Variants in AQP1 observed in about 807,000 individuals in gnomAD.
AQP1 encodes aquaporin-1.
A neutral mutation model predicts 19.7 loss-of-function variants in AQP1; 11 were observed. That is an observed-to-expected ratio of 0.56 (90% CI 0.35 to 0.92). The LOEUF (loss-of-function observed/expected upper bound fraction) is 0.92. AQP1 is among the 40% of genes least tolerant of loss of function. The pLI is 0.01. For synonymous variants in AQP1, 159 were observed against 166.7 expected (o/e 0.95, Z 0.36); for missense variants, 320 against 369.7 (o/e 0.87, Z 1.10).
At chr7:30,922,501 C>G in intron 2 of AQP1, 63 bp from the exon 3 acceptor site, 1 of 1,503,096 alleles carries the variant, frequency 6.7e-7, no homozygotes, top group Non-Finnish European at 9.3e-7. Flanking sequence ...TCTCCCTCCT[C>G]TCACTCTCTC....
chr7:30,923,542 C>T lies in AQP1; in HGVS notation c.723C>T (p.Arg241=), dbSNP rs1049739937. The T allele has an allele frequency of 6.2e-6, 10 of 1,614,110 alleles. No homozygotes were observed. The highest frequency in any genetic ancestry group is 4.4e-5 in the South Asian group (4 of 91,080). ...LAPRSSDLTD[R]VKVWTSGQVE... ...CACGCAGCAGTGACCTCACAGACCG[C>T]GTGAAGGTGTGGACCAGCGGCCAGG... Residue 241 remains arginine (R), a synonymous_variant, in exon 4 of 4, where the codon CGC becomes CGT. Transcript: ENST00000311813. The surrounding 1 kb of genome is among the most constrained non-coding windows in gnomAD (Gnocchi z 4.8).
intron 1 of AQP1, among the ~76,000 whole-genome samples, chr7:30,915,493 G>A (rs1791319157): frequency 6.6e-6 from 1 of 152,172 alleles, no homozygotes. Context: ...CACAGGCTAG[G>A]AGGAGGTGAG....
At chr7:30,921,700 C>G in intron 1 of AQP1, 1 of 1,551,126 alleles carries the variant, frequency 6.4e-7, no homozygotes, top group South Asian at 1.2e-5. Flanking sequence ...TGACCATCAC[C>G]TTCATGCCTG....
In AQP1 at chr7:30,922,140, G is replaced by C. The variant is rs1423546895; in HGVS notation, c.459G>C (p.Val153=). ...IIGTLQLVLC[V]LATTDRRRRD... ...GGACCCTCCAGCTGGTGCTATGCGT[G>C]CTGGCTACTACCGACCGGAGGCGCC... Residue 153 remains valine (V), a synonymous_variant, in exon 2 of 4, where the codon GTG becomes GTC. Coordinates refer to ENST00000311813, the MANE Select transcript of AQP1 (RefSeq NM_198098.4). 6.2e-7 allele frequency: 1 copy of C among 1,613,976 alleles called. No homozygotes were observed. The highest frequency in any genetic ancestry group is 1.1e-5 in the South Asian group (1 of 91,086).
intron 1 of AQP1, among the ~76,000 whole-genome samples, chr7:30,921,023 G>A (rs1198966242): frequency 1.3e-5 from 2 of 152,212 alleles, no homozygotes; most frequent in African/African-American, 4.8e-5. Context: ...TGGGAGCTGG[G>A]TAGTTTGTCT....
rs2267720 is a variant in AQP1, at chr7:30,921,380, G to A, written c.385-686G>A. On this transcript the variant is annotated intron_variant, in intron 1 of 3. Transcript: ENST00000311813. ...CCAGGCAGAGGGAGGGTGAGGCTGA[G>A]GCCAGCAGTGGGGAGGAAGAAGAGA... is the stretch of plus-strand genomic sequence containing the variant. 0.058 allele frequency: 80,999 copies of A among 1,405,316 alleles called. 3,748 individuals are homozygous for A. Among genetic ancestry groups the A allele is most frequent in the East Asian group, 0.22 (8,782 of 39,226 alleles). 87.1% of individuals were successfully genotyped at this position (1,405,316 alleles called of 1,614,324 possible).
intron 3 of AQP1, among the ~76,000 whole-genome samples, chr7:30,922,967 C>T (rs1791566420): frequency 6.6e-6 from 1 of 152,230 alleles, no homozygotes; most frequent in African/African-American, 2.4e-5. Context: ...TGTGCTTGAG[C>T]TTTGGTTTCC....
Position 30,923,678 on chromosome 7 carries a change from C to A in AQP1, c.*49C>A. 2 of 590,552 alleles carry A rather than the reference C, an allele frequency of 3.4e-6. No homozygotes were observed. Among genetic ancestry groups the A allele is most frequent in the Non-Finnish European group, 2.5e-6 (1 of 407,870 alleles). The allele number at this position is 590,552 out of a possible 1,614,324, so 36.6% of individuals were successfully genotyped here. On this transcript the variant is annotated 3_prime_UTR_variant, in exon 4 of 4. Transcript: ENST00000311813. The surrounding 1 kb of genome is among the most constrained non-coding windows in gnomAD (Gnocchi z 4.8). ...CGTAGGGGGCAGGGGCAGGGGCGGG[C>A]GGAGGGAGGGGAGGGGTGAAATCCA...
In AQP1 at chr7:30,922,336, T is replaced by C. The variant is rs1036909627; in HGVS notation, c.549+106T>C. 4.1e-6 allele frequency: 6 copies of C among 1,475,190 alleles called. No homozygotes were observed. The African/African-American group carries it at 8.4e-5, about 21-fold the overall frequency. 91.4% of individuals were successfully genotyped at this position (1,475,190 alleles called of 1,614,324 possible). A position where few individuals can be genotyped will look rare whatever the true frequency, so the allele number is the denominator to read the frequency against. On this transcript the variant is annotated intron_variant, in intron 2 of 3. Coordinates refer to ENST00000311813, the MANE Select transcript of AQP1 (RefSeq NM_198098.4). The stretch of plus-strand genomic sequence containing the variant: ...GGGACTCCCGACAGGGCTCTTGCCA[T>C]TGGGTGGAGGATGGCGGGTCAGCGC...
At chr7:30,921,146 G>A (rs1791486746) in intron 1 of AQP1, among the ~76,000 whole-genome samples, 1 of 152,196 alleles carries the variant, frequency 6.6e-6, no homozygotes, top group Non-Finnish European at 1.5e-5. Flanking sequence ...CATCTCCCCT[G>A]TGTGAGTGCA....
At chr7:30,921,621 T>C (rs1791501783) in intron 1 of AQP1, 4 of 1,550,554 alleles carry the variant, frequency 2.6e-6, no homozygotes, top group Non-Finnish European at 3.5e-6. Flanking sequence ...TTCTGGACTT[T>C]TGGGTATGAA....
chr7:30,922,666 G>A, intron 3 of AQP1, 22 bp downstream of exon 3: 1 of 1,608,740 alleles, frequency 6.2e-7, no homozygotes, highest in Non-Finnish European at 8.5e-7. Context: ...ACGGGGGGTG[G>A]GGTGGGAAGC....
chr7:30,912,245 C>T lies in AQP1; in HGVS notation c.336C>T (p.Leu112=). The T allele has an allele frequency of 6.2e-7, 1 of 1,607,784 alleles. No homozygotes were observed. Among genetic ancestry groups the T allele is most frequent in the Non-Finnish European group, 8.5e-7 (1 of 1,179,936 alleles). ...GGGCCATCGTCGCCACCGCCATCCT[C>T]TCAGGCATCACCTCCTCCCTGACTG... is the stretch of plus-strand genomic sequence containing the variant. The part of the protein sequence containing the change: ...CVGAIVATAI[L]SGITSSLTGN... The change falls in exon 1 of 4, where the codon CTC becomes CTT. Residue 112 remains leucine (L), a synonymous_variant. Coordinates refer to ENST00000311813, the MANE Select transcript of AQP1 (RefSeq NM_198098.4). This position sits in a 1 kb window ranked among gnomAD's most constrained non-coding sequence, Gnocchi z 4.3.
intron 1 of AQP1, among the ~76,000 whole-genome samples, chr7:30,918,615 T>C (rs1439328202): frequency 1.3e-5 from 2 of 152,226 alleles, no homozygotes; most frequent in African/African-American, 4.8e-5. Flanking sequence ...CAGTCAGGCC[T>C]GGCTCTGGAG....
chr7:30,923,899 C>T lies in AQP1; in HGVS notation c.*270C>T, dbSNP rs1315784827. ...TGTGGAGGAGGTGAAAGAAAGGGAC[C>T]CACCTGCTAGTCGCCCCTCAGAGCA... is the stretch of plus-strand genomic sequence containing the variant. On this transcript the variant is annotated 3_prime_UTR_variant, in exon 4 of 4. Transcript: ENST00000311813. The surrounding 1 kb of genome is among the most constrained non-coding windows in gnomAD (Gnocchi z 4.8). 6.8e-7 allele frequency: 1 copy of T among 1,474,212 alleles called. No homozygotes were observed. The highest frequency in any genetic ancestry group is 9.1e-7 in the Non-Finnish European group (1 of 1,102,422). The allele number at this position is 1,474,212 out of a possible 1,614,324, so 91.3% of individuals were successfully genotyped here.
At chr7:30,917,835 A>G (rs1259371036) in intron 1 of AQP1, among the ~76,000 whole-genome samples, 1 of 152,078 alleles carries the variant, frequency 6.6e-6, no homozygotes, top group Admixed American at 6.5e-5. Flanking sequence ...CGGCTGCTTC[A>G]TTTATTCTGT....
In AQP1 at chr7:30,922,117, A is replaced by G. The variant is rs1431046001; in HGVS notation, c.436A>G (p.Thr146Ala). The G allele has an allele frequency of 3.1e-6, 5 of 1,613,692 alleles. No homozygotes were observed. The highest frequency in any genetic ancestry group is 4.2e-6 in the Non-Finnish European group (5 of 1,179,964). ...GQGLGIEIIG[T>A]LQLVLCVLAT... ...GGGCCTGGGCATCGAGATCATCGGG[A>G]CCCTCCAGCTGGTGCTATGCGTGCT... Residue 146 changes from threonine to alanine, a missense_variant, in exon 2 of 4, where the codon ACC becomes GCC. Coordinates refer to ENST00000311813, the MANE Select transcript of AQP1 (RefSeq NM_198098.4).
chr7:30,911,886 T>G lies in AQP1; in HGVS notation c.-24T>G, dbSNP rs1200049242. 2 of 1,610,916 alleles carry G rather than the reference T, an allele frequency of 1.2e-6. No homozygotes were observed. Among genetic ancestry groups the G allele is most frequent in the Non-Finnish European group, 8.5e-7 (1 of 1,179,774 alleles). Reference sequence around the variant, plus strand: ...GAGGGAATTGAGCACCCGGCAGCGGTCTCAGGCCAAGCCCCCTGCCAGCAT... The same window carrying G: ...GAGGGAATTGAGCACCCGGCAGCGGGCTCAGGCCAAGCCCCCTGCCAGCAT... On this transcript the variant is annotated 5_prime_UTR_variant, in exon 1 of 4. Transcript: ENST00000311813.
At chr7:30,916,350 C>T (rs573583467) in intron 1 of AQP1, among the ~76,000 whole-genome samples, 1 of 152,242 alleles carries the variant, frequency 6.6e-6, no homozygotes, top group Non-Finnish European at 1.5e-5. Flanking sequence ...CCAGATGGTA[C>T]CCCCACTTAG....
Sources: gnomAD v4.1 joint callset for allele counts (sites outside exome capture counted in the v4.1 genomes callset) on GRCh38, gnomAD v4.1.1 for gene constraint, Gnocchi (gnomAD v3.1) non-coding constraint, MANE v1.5 for transcripts, NCBI Gene and HGNC (gene_info 2026-07-23, HGNC 2026-07-21) for gene names.